The following TAFA1 variants were observed in gnomAD, a reference collection of about 807,000 sequenced individuals.
The protein encoded by TAFA1 is TAFA chemokine like family member 1, also known as chemokine-like protein TAFA-1.
A neutral mutation model predicts 18.5 loss-of-function variants in TAFA1; 4 were observed. The ratio of observed to expected loss-of-function variants is 0.22; its 90% CI spans 0.11 to 0.49. The LOEUF is 0.49. Ranked by LOEUF, TAFA1 falls within the 20% of genes least tolerant of loss-of-function variation. The pLI is 0.98. For missense variants in TAFA1, 147 were observed against 169.0 expected (o/e 0.87, Z 0.72); for synonymous variants, 56 against 55.2 (o/e 1.01, Z -0.06).
rs542652779 is a variant in TAFA1, at chr3:68,054,996, T to C, written c.118+48252T>C. 3.9e-5 allele frequency among the ~76,000 whole-genome samples: 6 copies of C among 152,242 alleles called. No homozygotes were observed. The South Asian group carries it at 1.2e-3, about 32-fold the overall frequency. On this transcript the variant is annotated intron_variant, in intron 2 of 4. Transcript: ENST00000478136. ...TTTTATAATGAGATATGTACCTCTATGCCTTGGTTTAGGGTCTCCCACAAG... is the reference window on the plus strand; with the variant it reads ...TTTTATAATGAGATATGTACCTCTACGCCTTGGTTTAGGGTCTCCCACAAG...
intron 2 of TAFA1, among the ~76,000 whole-genome samples, chr3:68,154,331 C>T (rs560777894): frequency 6.6e-6 from 1 of 152,164 alleles, no homozygotes; most frequent in East Asian, 1.9e-4. Context: ...CAAGATCCAC[C>T]TGCAAGATCC....
At chr3:68,063,054 A>T (rs1042198447) in intron 2 of TAFA1, among the ~76,000 whole-genome samples, 1 of 152,190 alleles carries the variant, frequency 6.6e-6, no homozygotes, top group South Asian at 2.1e-4. Flanking sequence ...TATCCAGATT[A>T]AAAAAACAGG....
intron 2 of TAFA1, among the ~76,000 whole-genome samples, chr3:68,094,181 CA>C (rs1289773555): frequency 6.6e-6 from 1 of 152,038 alleles, no homozygotes; most frequent in African/African-American, 2.4e-5. Context: ...ACCAGTTTAA[CA>C]TGTTCAAAAA....
At position 68,198,237 on chromosome 3, in the gene TAFA1, C is replaced by T. The variant is rs1352619218; in HGVS notation, c.118+191493C>T. Among the ~76,000 whole-genome samples the T allele has an allele frequency of 2.6e-5, 4 of 151,658 alleles. 1 individual carries two copies. The East Asian group carries it at 7.8e-4, about 30-fold the overall frequency. On this transcript the variant is annotated intron_variant, in intron 2 of 4. Coordinates refer to ENST00000478136, the MANE Select transcript of TAFA1 (RefSeq NM_213609.4). ...TTCTTTTTAGCACGTAATAATATTC[C>T]ATTGTCTGGGTGTATCTCAGTTTTA...
intron 2 of TAFA1, among the ~76,000 whole-genome samples, chr3:68,388,921 C>A (rs2070166326): frequency 6.6e-6 from 1 of 152,126 alleles, no homozygotes; most frequent in Non-Finnish European, 1.5e-5. Context: ...CTGTTTCTTA[C>A]AAGATTAAGT....
intron 2 of TAFA1, among the ~76,000 whole-genome samples, chr3:68,155,615 T>G (rs2065859150): frequency 6.6e-6 from 1 of 152,160 alleles, no homozygotes; most frequent in African/African-American, 2.4e-5. Flanking sequence ...TCCCTTGTGA[T>G]CTATGAGCGT....
intron 2 of TAFA1, among the ~76,000 whole-genome samples, chr3:68,301,418 T>A (rs1292984534): frequency 6.6e-6 from 1 of 152,172 alleles, no homozygotes; most frequent in Non-Finnish European, 1.5e-5. Flanking sequence ...ACCTTTAACT[T>A]GCTTGAGCAA....
At chr3:68,012,528 T>A (rs930951805) in intron 2 of TAFA1, among the ~76,000 whole-genome samples, 1 of 152,156 alleles carries the variant, frequency 6.6e-6, no homozygotes, top group Non-Finnish European at 1.5e-5. Flanking sequence ...GAGAAAAGAA[T>A]CATATTTGCA....
chr3:68,525,945 G>A (rs1246561685), intron 3 of TAFA1, among the ~76,000 whole-genome samples: 1 of 152,064 alleles, frequency 6.6e-6, no homozygotes, highest in Non-Finnish European at 1.5e-5. Context: ...CCAGACCTTA[G>A]TCCTCCTGAG....
rs561569337 is a variant in TAFA1 at position 68,298,105 on chromosome 3, G to C, written c.119-119175G>C. Among the ~76,000 whole-genome samples, 229 of 152,274 alleles carry C rather than the reference G, an allele frequency of 1.5e-3. 1 individual carries two copies. The highest frequency in any genetic ancestry group is 2.8e-3 in the Non-Finnish European group (189 of 68,036). ...AGTTCTTTTTCATCCATTAGGCAGAGGAAATGTCTGCACTTCCTTTCATCT... is the reference window on the plus strand; with the variant it reads ...AGTTCTTTTTCATCCATTAGGCAGACGAAATGTCTGCACTTCCTTTCATCT... On this transcript the variant is annotated intron_variant, in intron 2 of 4. Coordinates refer to ENST00000478136, the MANE Select transcript of TAFA1 (RefSeq NM_213609.4).
At chr3:68,369,576 A>G (rs1284851383) in intron 2 of TAFA1, among the ~76,000 whole-genome samples, 1 of 152,156 alleles carries the variant, frequency 6.6e-6, no homozygotes, top group Non-Finnish European at 1.5e-5. Context: ...TCACAGTTCA[A>G]AGATGATATT....
intron 3 of TAFA1, among the ~76,000 whole-genome samples, chr3:68,532,192 C>T (rs895302351): frequency 6.6e-6 from 1 of 152,140 alleles, no homozygotes; most frequent in African/African-American, 2.4e-5. Flanking sequence ...GAAGATTTTA[C>T]AGCACCCTGA....
intron 2 of TAFA1, among the ~76,000 whole-genome samples, chr3:68,079,339 T>G (rs1284315889): frequency 6.6e-6 from 1 of 152,200 alleles, no homozygotes; most frequent in Non-Finnish European, 1.5e-5. Context: ...TTTAGTTAGT[T>G]CTTGCCTTCT....
chr3:68,268,464 A>G (rs1179759355), intron 2 of TAFA1, among the ~76,000 whole-genome samples: 1 of 152,116 alleles, frequency 6.6e-6, no homozygotes, highest in Non-Finnish European at 1.5e-5. Context: ...GCTAAATATT[A>G]GAGTCCTTGA....
chr3:68,357,002 C>T (rs1320464617), intron 2 of TAFA1, among the ~76,000 whole-genome samples: 1 of 151,860 alleles, frequency 6.6e-6, no homozygotes, highest in African/African-American at 2.4e-5. Context: ...GTTTAGAAGA[C>T]AGGTGAACAA....
chr3:68,049,855 A>C (rs79463301), intron 2 of TAFA1, among the ~76,000 whole-genome samples: 1 of 152,174 alleles, frequency 6.6e-6, no homozygotes, highest in East Asian at 1.9e-4. Flanking sequence ...TCCCGCTCTG[A>C]ATAAACTCCC....
intron 3 of TAFA1, among the ~76,000 whole-genome samples, chr3:68,538,197 T>C (rs1189466477): frequency 6.6e-6 from 1 of 152,140 alleles, no homozygotes; most frequent in Non-Finnish European, 1.5e-5. Flanking sequence ...TCTACAATAG[T>C]GATATTATCT....
chr3:68,186,494 C>G (rs749802701), intron 2 of TAFA1, among the ~76,000 whole-genome samples: 52 of 152,068 alleles, frequency 3.4e-4, no homozygotes, highest in Non-Finnish European at 5.0e-4. Flanking sequence ...GACGTGAGAA[C>G]TGAAGTTAGA....
intron 2 of TAFA1, among the ~76,000 whole-genome samples, chr3:68,011,176 A>G (rs1575572438): frequency 6.6e-6 from 1 of 152,004 alleles, no homozygotes; most frequent in African/African-American, 2.4e-5. Flanking sequence ...TAAAATATAA[A>G]TCATCTCAAA....
Sources: gnomAD v4.1 joint callset for allele counts (sites outside exome capture counted in the v4.1 genomes callset) on GRCh38, gnomAD v4.1.1 for gene constraint, MANE v1.5 for transcripts, NCBI Gene and HGNC (gene_info 2026-07-23, HGNC 2026-07-21) for gene names.